The following RBFOX1 variants were observed in gnomAD, a reference collection of about 807,000 sequenced individuals.
RBFOX1 encodes RNA binding protein fox-1 homolog 1.
Under a neutral mutation model 57.7 loss-of-function variants are expected in RBFOX1, and 8 were observed. That is an observed-to-expected ratio of 0.14 (90% CI 0.08 to 0.25). RBFOX1 has a LOEUF of 0.25. Among genes scored for constraint, RBFOX1 ranks in the 10% least tolerant of loss-of-function variants. RBFOX1 has a pLI of 1.00. For synonymous variants in RBFOX1, 326 were observed against 222.4 expected (o/e 1.47, Z -4.15); for missense variants, 611 against 548.5 (o/e 1.11, Z -1.14).
Position 5,850,806 on chromosome 16 carries a change from C to A in RBFOX1, c.319-16497C>A, listed in dbSNP as rs539514658. Reference sequence around the variant, plus strand: ...TCCTTCACTTGCCATCTCGAAAGGGCCCCGGGCCAGGTGTGAGCAGTTCAC... The same window carrying A: ...TCCTTCACTTGCCATCTCGAAAGGGACCCGGGCCAGGTGTGAGCAGTTCAC... On this transcript the variant is annotated intron_variant, in intron 3 of 19. Coordinates refer to the RBFOX1 transcript ENST00000641259. 4.6e-5 allele frequency among the ~76,000 whole-genome samples: 7 copies of A among 152,318 alleles called. No individual in the cohort carries two copies. In the East Asian group the frequency reaches 1.3e-3, roughly 29 times the overall value.
In RBFOX1 at chr16:6,877,442, G is replaced by C. The variant is rs538492694; in HGVS notation, c.-15-174615G>C. On this transcript the variant is annotated intron_variant, in intron 3 of 15. Transcript: ENST00000550418. ...TAAATCACAGAGACAAGCAAAACCA[G>C]AGTAGTGGGGAAGCTTGACTTCTGC... 5.9e-5 allele frequency among the ~76,000 whole-genome samples: 9 copies of C among 152,140 alleles called. No individual in the cohort carries two copies. In the East Asian group the frequency reaches 1.4e-3, roughly 23 times the overall value.
rs150318283 is a variant in RBFOX1, at chr16:7,029,273, C to T, written c.-15-22784C>T. The stretch of plus-strand genomic sequence containing the variant: ...ATATACACACATATATATACGTATA[C>T]GTATATATATACACATATATATATA... On this transcript the variant is annotated intron_variant, in intron 3 of 15. Transcript: ENST00000550418. Among the ~76,000 whole-genome samples the T allele has an allele frequency of 4.2e-4, 20 of 48,046 alleles. 1 individual carries two copies. Among genetic ancestry groups the T allele is most frequent in the South Asian group, 1.5e-3 (2 of 1,376 alleles). 31.5% of individuals were successfully genotyped at this position (48,046 alleles called of 152,430 possible). A position where few individuals can be genotyped will look rare whatever the true frequency, so the allele number is the denominator to read the frequency against.
chr16:6,792,954 G>T (rs866799736), intron 3 of RBFOX1, among the ~76,000 whole-genome samples: 3 of 151,586 alleles, frequency 2.0e-5, no homozygotes, highest in African/African-American at 7.3e-5. Flanking sequence ...GCTTGAACCC[G>T]TGAGGCAGAG....
At chr16:6,413,068 C>G (rs1274559613) in intron 2 of RBFOX1, among the ~76,000 whole-genome samples, 1 of 152,084 alleles carries the variant, frequency 6.6e-6, no homozygotes, top group East Asian at 1.9e-4. Context: ...GCCTATAATC[C>G]CAGCACTTTG....
chr16:6,956,995 A>G (rs2081979421), intron 3 of RBFOX1, among the ~76,000 whole-genome samples: 1 of 151,906 alleles, frequency 6.6e-6, no homozygotes, highest in Admixed American at 6.5e-5. Context: ...GAGTAAAGTG[A>G]AAGCAAGTTT....
chr16:6,830,109 G>C (rs1021074007), intron 3 of RBFOX1, among the ~76,000 whole-genome samples: 12 of 150,244 alleles, frequency 8.0e-5, no homozygotes, highest in Non-Finnish European at 1.5e-4. Context: ...TGGAGACAAG[G>C]TTTTACCATG....
intron 3 of RBFOX1, among the ~76,000 whole-genome samples, chr16:6,745,599 G>C (rs188829449): frequency 1.6e-4 from 25 of 152,232 alleles, no homozygotes; most frequent in Admixed American, 5.9e-4. Flanking sequence ...ATCCAAAATG[G>C]ATTCTAGTTT....
chr16:5,770,150 A>G (rs1360648518), intron 3 of RBFOX1, among the ~76,000 whole-genome samples: 2 of 152,132 alleles, frequency 1.3e-5, no homozygotes, highest in Non-Finnish European at 2.9e-5. Flanking sequence ...GTGATGAGCT[A>G]TGCTTAAGTG....
At chr16:6,760,092 G>C (rs7188743) in intron 3 of RBFOX1, among the ~76,000 whole-genome samples, 1 of 152,096 alleles carries the variant, frequency 6.6e-6, no homozygotes, top group Non-Finnish European at 1.5e-5. Flanking sequence ...GTGTGATCTT[G>C]TTTTCATTAA....
intron 1 of RBFOX1, among the ~76,000 whole-genome samples, chr16:6,127,046 GA>G (rs1241643136): frequency 6.6e-6 from 1 of 152,160 alleles, no homozygotes; most frequent in African/African-American, 2.4e-5. Context: ...TAGAGAGGGG[GA>G]AGGAATCAAG....
chr16:6,858,013 G>A (rs982925195), intron 3 of RBFOX1, among the ~76,000 whole-genome samples: 1 of 152,148 alleles, frequency 6.6e-6, no homozygotes, highest in Non-Finnish European at 1.5e-5. Context: ...ATATGGAAAA[G>A]GCAAGGCTTT....
intron 4 of RBFOX1, among the ~76,000 whole-genome samples, chr16:5,930,677 G>C (rs1215364193): frequency 1.6e-5 from 2 of 125,228 alleles, no homozygotes; most frequent in Non-Finnish European, 3.4e-5. Context: ...TGGGCACATG[G>C]GTAAGTGGGA....
intron 2 of RBFOX1, among the ~76,000 whole-genome samples, chr16:6,547,332 C>G (rs2096910447): frequency 6.6e-6 from 1 of 152,136 alleles, no homozygotes; most frequent in African/African-American, 2.4e-5. Context: ...TTAATGACTA[C>G]TTATTTTCTA....
intron 1 of RBFOX1, among the ~76,000 whole-genome samples, chr16:6,285,872 T>C (rs1213254912): frequency 6.6e-6 from 1 of 152,128 alleles, no homozygotes; most frequent in Non-Finnish European, 1.5e-5. Context: ...ACACAACATG[T>C]AACCCAAGAA....
chr16:5,997,044 CTCA>C (rs1445067060), intron 4 of RBFOX1, among the ~76,000 whole-genome samples: 63 of 143,600 alleles, frequency 4.4e-4, no homozygotes, highest in South Asian at 2.3e-3. Context: ...ATTGTCCAAA[CTCA>C]CCAGGAAGCA....
At chr16:5,739,188 A>G (rs990787316) in intron 3 of RBFOX1, among the ~76,000 whole-genome samples, 31 of 152,244 alleles carry the variant, frequency 2.0e-4, no homozygotes, top group Admixed American at 6.5e-5. Context: ...GGTCTGTGAT[A>G]ATTATTCAGG....
intron 3 of RBFOX1, among the ~76,000 whole-genome samples, chr16:5,623,407 T>G (rs1005643832): frequency 1.3e-5 from 2 of 152,030 alleles, no homozygotes; most frequent in Non-Finnish European, 2.9e-5. Flanking sequence ...ACAGAGAAAG[T>G]CTCTACTCTC....
chr16:6,261,634 C>T (rs894273599), intron 1 of RBFOX1, among the ~76,000 whole-genome samples: 1 of 129,670 alleles, frequency 7.7e-6, no homozygotes, highest in African/African-American at 2.5e-5. Context: ...GTTTTCTTTG[C>T]CCATTGGATC....
chr16:6,105,983 A>G (rs1411861870), intron 1 of RBFOX1, among the ~76,000 whole-genome samples: 3 of 152,048 alleles, frequency 2.0e-5, no homozygotes, highest in African/African-American at 7.2e-5. Context: ...TCTTTACACT[A>G]ATATTGCTTT....
Sources: allele counts gnomAD v4.1 joint callset (sites outside exome capture counted in the v4.1 genomes callset), GRCh38; gene constraint gnomAD v4.1.1; transcripts MANE v1.5; gene names NCBI Gene and HGNC (gene_info 2026-07-23, HGNC 2026-07-21).